The following SEC31A variants were observed in gnomAD, a reference collection of about 807,000 sequenced individuals.
SEC31A encodes SEC31 homolog A, COPII component, also known as protein transport protein Sec31A.
Under a neutral mutation model 151.0 loss-of-function variants are expected in SEC31A, and 70 were observed. The ratio of observed to expected loss-of-function variants is 0.46; its 90% CI spans 0.38 to 0.57. The LOEUF (loss-of-function observed/expected upper bound fraction) is 0.57. SEC31A is among the 20% of genes least tolerant of loss of function. The probability of loss-of-function intolerance (pLI) is 0.00; values close to 1 mark genes in which losing one functional copy is unlikely to be tolerated. For synonymous variants in SEC31A, 475 were observed against 505.9 expected (o/e 0.94, Z 0.82); for missense variants, 1,330 against 1,471.2 (o/e 0.90, Z 1.57).
intron 22 of SEC31A, among the ~76,000 whole-genome samples, chr4:82,838,000 A>T (rs1229986325): frequency 6.6e-6 from 1 of 152,266 alleles, no homozygotes. Flanking sequence ...TTTCCCTATA[A>T]GCCTAGCATG....
chr4:82,844,649 A>T, intron 20 of SEC31A, 140 bp from the exon 21 acceptor site: 1 of 826,440 alleles, frequency 1.2e-6, no homozygotes, highest in Non-Finnish European at 1.9e-6. Context: ...CATTTTGCAT[A>T]TTCTATCTTC....
chr4:82,856,896 T>A (rs1437952098), intron 16 of SEC31A, 56 bp downstream of exon 16: 6 of 1,400,778 alleles, frequency 4.3e-6, no homozygotes, highest in Admixed American at 2.2e-5. Context: ...TAACAGTGTA[T>A]TGTTTTTATA....
intron 24 of SEC31A, among the ~76,000 whole-genome samples, chr4:82,826,761 T>G (rs1420450083): frequency 6.6e-6 from 1 of 152,260 alleles, no homozygotes; most frequent in Non-Finnish European, 1.5e-5. Flanking sequence ...TAGAACTAGT[T>G]TTTTTACTTG....
At chr4:82,821,154 A>AG in intron 25 of SEC31A, 46 bp from the exon 26 acceptor site, 3 of 1,450,638 alleles carry the variant, frequency 2.1e-6, no homozygotes, top group Non-Finnish European at 2.9e-6. Flanking sequence ...ATTAACTTTT[A>AG]ACCTAAGAAC....
At chr4:82,884,783 G>A (rs570141812) in intron 1 of SEC31A, among the ~76,000 whole-genome samples, 3 of 152,286 alleles carry the variant, frequency 2.0e-5, no homozygotes, top group Non-Finnish European at 2.9e-5. Context: ...AAGAAGGGGT[G>A]CTCTCTGTTT....
chr4:82,848,923 C>A lies in SEC31A; in HGVS notation c.2383G>T (p.Ala795Ser). 1 of 1,614,102 alleles carries A rather than the reference C, an allele frequency of 6.2e-7. No homozygotes were observed. Among genetic ancestry groups the A allele is most frequent in the Non-Finnish European group, 8.5e-7 (1 of 1,179,986 alleles). The change falls in exon 20 of 27, where the codon GCA becomes TCA. Residue 795 changes from alanine (A) to serine (S), a missense_variant. Ala to Ser is a moderately conservative substitution (Grantham distance 99, BLOSUM62 1). Transcript: ENST00000395310. ...GGAATTTTAGGTGATTCATGTCCTG[C>A]TACAGGCTCTCCTTGTGCTCTACAA... The part of the protein sequence containing the change: ...RLCRAQGEPV[A>S]GHESPKIPYE...
Position 82,821,122 on chromosome 4 carries a change from A to G in SEC31A, c.3412-14T>C. On this transcript the variant is annotated splice_polypyrimidine_tract_variant and intron_variant, in intron 25 of 26. Transcript: ENST00000395310. ...CCTCTTGGTTTGCTGCAGGAAAGAA[A>G]AAATAGATGTTATATTTGAACATTA... The G allele has an allele frequency of 6.2e-7, 1 of 1,605,242 alleles. No homozygotes were observed. The highest frequency in any genetic ancestry group is 8.5e-7 in the Non-Finnish European group (1 of 1,172,080).
At chr4:82,890,724 T>TC (rs1578425487) in intron 1 of SEC31A, 1 of 1,094,998 alleles carries the variant, frequency 9.1e-7, no homozygotes, top group East Asian at 5.7e-5. Context: ...AGATTTTTTT[T>TC]CCTCTCCTCA....
chr4:82,871,945 T>C lies in SEC31A; in HGVS notation c.781A>G (p.Arg261Gly). The change falls in exon 7 of 27, where the codon AGG becomes GGG. Residue 261 changes from arginine to glycine, a missense_variant and splice_region_variant. Transcript: ENST00000395310. Reference sequence around the variant, plus strand: ...TTCTTTGTAACAGCAGCACGATACCTGGCATGGTTTTCCAGGACACGAAGT... The same window carrying C: ...TTCTTTGTAACAGCAGCACGATACCCGGCATGGTTTTCCAGGACACGAAGT... ...SPLRVLENHA[R>G]GILAIAWSMA... is the part of the protein sequence containing the mutation. 6.2e-7 allele frequency: 1 copy of C among 1,614,130 alleles called. No individual in the cohort carries two copies.
chr4:82,851,163 T>C (rs972266148), intron 19 of SEC31A, among the ~76,000 whole-genome samples: 1 of 152,214 alleles, frequency 6.6e-6, no homozygotes, highest in Non-Finnish European at 1.5e-5. Flanking sequence ...AAATAAAAAG[T>C]TGGTCTTTTC....
At chr4:82,891,037 C>T (rs1445938929) in intron 1 of SEC31A, 51 bp downstream of exon 1, 4 of 1,535,112 alleles carry the variant, frequency 2.6e-6, no homozygotes, top group African/African-American at 2.7e-5. Context: ...TGGGCTCTAC[C>T]TCAAAGCTTA....
chr4:82,857,855 C>T, intron 14 of SEC31A, 91 bp from the exon 15 acceptor site: 2 of 777,006 alleles, frequency 2.6e-6, no homozygotes, highest in South Asian at 1.5e-5. Flanking sequence ...TCTTCATCTA[C>T]AGAGTAGATG....
At chr4:82,828,773 G>A (rs1460314697) in intron 23 of SEC31A, among the ~76,000 whole-genome samples, 1 of 150,098 alleles carries the variant, frequency 6.7e-6, no homozygotes, top group African/African-American at 2.4e-5. Context: ...GCCTTCTAAA[G>A]GGGCTTTAAT....
intron 1 of SEC31A, among the ~76,000 whole-genome samples, chr4:82,890,403 C>T (rs1242794019): frequency 6.6e-6 from 1 of 152,142 alleles, no homozygotes; most frequent in Non-Finnish European, 1.5e-5. Flanking sequence ...CACAGACTAT[C>T]AGATCACTGC....
chr4:82,826,128 G>A (rs1169209522), intron 24 of SEC31A, among the ~76,000 whole-genome samples: 2 of 152,120 alleles, frequency 1.3e-5, no homozygotes, highest in Admixed American at 6.6e-5. Context: ...TGGTAACTAA[G>A]GTTCAGGTCT....
chr4:82,890,887 G>C, intron 1 of SEC31A: 1 of 1,385,976 alleles, frequency 7.2e-7, no homozygotes, highest in South Asian at 1.6e-5. Flanking sequence ...GAATGCGGAC[G>C]GGCGCGATCA....
At chr4:82,888,131 T>C (rs1006085351) in intron 1 of SEC31A, among the ~76,000 whole-genome samples, 2 of 151,240 alleles carry the variant, frequency 1.3e-5, no homozygotes, top group Non-Finnish European at 2.9e-5. Context: ...TCCCAGCACT[T>C]TGGGAGGCCG....
chr4:82,827,561 T>C lies in SEC31A; in HGVS notation c.3099A>G (p.Ser1033=). Residue 1033 remains serine (S), a synonymous_variant, in exon 24 of 27, where the codon TCA becomes TCG. Coordinates refer to ENST00000395310, the MANE Select transcript of SEC31A (RefSeq NM_001077207.4). ...PIMNPLGDPQ[S]QMLQQQPSAP... Reference sequence around the variant, plus strand: ...CTGAAGGCTGTTGCTGCAGCATTTGTGACTGGGGGTCACCCAACGGGTTCA... The same window carrying C: ...CTGAAGGCTGTTGCTGCAGCATTTGCGACTGGGGGTCACCCAACGGGTTCA... 1 of 1,614,196 alleles carries C rather than the reference T, an allele frequency of 6.2e-7. No individual in the cohort carries two copies.
At position 82,844,608 on chromosome 4, in the gene SEC31A, A is replaced by T. The variant is rs375158982; in HGVS notation, c.2503-99T>A. On this transcript the variant is annotated intron_variant, in intron 20 of 26. Transcript: ENST00000395310. ...CTGAAATGGAATTCTATGTTTATTT[A>T]AAAAAAAACTTTATTGCATAAGAAA... is the stretch of plus-strand genomic sequence containing the variant. 503 of 1,218,244 alleles carry T rather than the reference A, an allele frequency of 4.1e-4. 2 individuals carry two copies. In the African/African-American group the frequency reaches 5.8e-3, roughly 14 times the overall value. The allele number at this position is 1,218,244 out of a possible 1,614,324, so 75.5% of individuals were successfully genotyped here. A position where few individuals can be genotyped will look rare whatever the true frequency, so the allele number is the denominator to read the frequency against.
Sources: gnomAD v4.1 joint callset for allele counts (sites outside exome capture counted in the v4.1 genomes callset) on GRCh38, gnomAD v4.1.1 for gene constraint, MANE v1.5 for transcripts, NCBI Gene and HGNC (gene_info 2026-07-23, HGNC 2026-07-21) for gene names.